Variants in DPY19L1 observed in about 807,000 individuals in gnomAD.
The protein encoded by DPY19L1 is dpy-19 like C-mannosyltransferase 1, also known as protein C-mannosyl-transferase DPY19L1.
In DPY19L1, 35 loss-of-function variants were observed where a neutral mutation model predicts 96.9. The ratio of observed to expected loss-of-function variants is 0.36; its 90% CI spans 0.28 to 0.48. The LOEUF is 0.48. DPY19L1 is among the 20% of genes least tolerant of loss of function. The probability of loss-of-function intolerance (pLI) is 0.99; values close to 1 mark genes in which losing one functional copy is unlikely to be tolerated. For missense variants in DPY19L1, 521 were observed against 777.9 expected (o/e 0.67, Z 3.93); for synonymous variants, 205 against 252.6 (o/e 0.81, Z 1.79).
intron 7 of DPY19L1, among the ~76,000 whole-genome samples, chr7:34,989,283 A>G (rs1785113577): frequency 6.6e-6 from 1 of 152,228 alleles, no homozygotes; most frequent in African/African-American, 2.4e-5. Flanking sequence ...CATTATAACT[A>G]AATTGTTAGC....
chr7:34,954,370 G>C (rs962136064), intron 13 of DPY19L1, among the ~76,000 whole-genome samples: 8 of 152,056 alleles, frequency 5.3e-5, no homozygotes, highest in Non-Finnish European at 1.2e-4. Flanking sequence ...AGGCTCTAAA[G>C]ATGGTGTCTT....
intron 1 of DPY19L1, among the ~76,000 whole-genome samples, chr7:35,019,384 G>A (rs546530841): frequency 6.6e-6 from 1 of 152,300 alleles, no homozygotes; most frequent in South Asian, 2.1e-4. Flanking sequence ...GGCTGCAGCA[G>A]TGTGCTATGA....
chr7:34,944,790 C>T (rs1784107434), intron 16 of DPY19L1, among the ~76,000 whole-genome samples: 1 of 152,154 alleles, frequency 6.6e-6, no homozygotes, highest in African/African-American at 2.4e-5. Flanking sequence ...CTAGAGGGTA[C>T]ACTTGCACTG....
chr7:34,968,140 A>G (rs1417936852), intron 9 of DPY19L1, among the ~76,000 whole-genome samples: 1 of 152,054 alleles, frequency 6.6e-6, no homozygotes, highest in Admixed American at 6.5e-5. Context: ...AACTGATTGA[A>G]AATGTCATCG....
At chr7:35,036,992 G>A (rs76171601) in intron 1 of DPY19L1, 105 bp downstream of exon 1, 7,741 of 146,430 alleles carry the variant, frequency 0.053, 287 homozygotes, top group Middle Eastern at 0.16. Context: ...GGCTCGGCGC[G>A]GCGGAAGCGG....
At chr7:34,969,307 T>C (rs1240180398) in intron 9 of DPY19L1, 126 bp downstream of exon 9, 2 of 469,572 alleles carry the variant, frequency 4.3e-6, no homozygotes, top group East Asian at 7.0e-5. Flanking sequence ...AAAACATTTT[T>C]CCTAGAAAAT....
chr7:34,953,495 C>G (rs1784311474), intron 13 of DPY19L1, among the ~76,000 whole-genome samples: 1 of 152,156 alleles, frequency 6.6e-6, no homozygotes. Context: ...CCTTTCAGCT[C>G]TCATCCTCAG....
At chr7:35,005,530 G>A (rs1785531461) in intron 6 of DPY19L1, among the ~76,000 whole-genome samples, 1 of 151,004 alleles carries the variant, frequency 6.6e-6, no homozygotes, top group Non-Finnish European at 1.5e-5. Context: ...CAGGCACAGT[G>A]GCTCACACCT....
intron 10 of DPY19L1, among the ~76,000 whole-genome samples, chr7:34,964,641 A>G (rs1200930239): frequency 6.6e-6 from 1 of 152,198 alleles, no homozygotes; most frequent in Non-Finnish European, 1.5e-5. Context: ...ATTCATCTAA[A>G]CAGATGTAGT....
chr7:35,027,625 T>C (rs901117848), intron 1 of DPY19L1, among the ~76,000 whole-genome samples: 1 of 138,612 alleles, frequency 7.2e-6, no homozygotes, highest in Non-Finnish European at 1.5e-5. Flanking sequence ...AGGTCAGGGG[T>C]TCGAAACCAT....
At chr7:34,994,471 A>C (rs894379417) in intron 6 of DPY19L1, among the ~76,000 whole-genome samples, 12 of 152,194 alleles carry the variant, frequency 7.9e-5, no homozygotes, top group African/African-American at 2.9e-4. Context: ...TAATTTTCTA[A>C]ATGGCAGAGT....
At chr7:34,976,588 T>A (rs892591897) in intron 7 of DPY19L1, among the ~76,000 whole-genome samples, 3 of 152,194 alleles carry the variant, frequency 2.0e-5, no homozygotes, top group Admixed American at 6.5e-5. Context: ...TAAAACGCTA[T>A]CAAACAGCAT....
chr7:35,034,818 T>C lies in DPY19L1; in HGVS notation c.298+2279A>G, dbSNP rs1413901404. Among the ~76,000 whole-genome samples, 5 of 152,186 alleles carry C rather than the reference T, an allele frequency of 3.3e-5. No individual in the cohort carries two copies. In the East Asian group the frequency reaches 9.6e-4, roughly 29 times the overall value. On this transcript the variant is annotated intron_variant, in intron 1 of 21. Transcript: ENST00000638088. ...TGTTCTTTTTTTGATCAGTTACAAATGAACTCTTGATGAACAAAAGAATAT... is the reference window on the plus strand; with the variant it reads ...TGTTCTTTTTTTGATCAGTTACAAACGAACTCTTGATGAACAAAAGAATAT...
At chr7:35,014,649 C>A (rs1294194953) in intron 3 of DPY19L1, among the ~76,000 whole-genome samples, 1 of 152,120 alleles carries the variant, frequency 6.6e-6, no homozygotes, top group Non-Finnish European at 1.5e-5. Context: ...GATGTATCGA[C>A]TCTGATACCA....
chr7:34,949,936 C>T (rs1175324107), intron 13 of DPY19L1, 38 bp from the exon 14 acceptor site: 2 of 1,068,406 alleles, frequency 1.9e-6, no homozygotes, highest in South Asian at 1.4e-5. Flanking sequence ...TTAAGCCATA[C>T]ACTGCAATAA....
At chr7:35,002,927 C>G (rs1584249107) in intron 6 of DPY19L1, among the ~76,000 whole-genome samples, 1 of 152,098 alleles carries the variant, frequency 6.6e-6, no homozygotes, top group Non-Finnish European at 1.5e-5. Context: ...CGCCACCACG[C>G]TTGGCTAATT....
intron 10 of DPY19L1, among the ~76,000 whole-genome samples, chr7:34,959,927 A>ATATATATATATATATATATATATATATT (rs1784466146): frequency 3.6e-5 from 1 of 27,406 alleles, no homozygotes; most frequent in African/African-American, 3.1e-4. Context: ...ATATATATTT[A>ATATATATATATATATATATATATATATT]TATATATATA....
At chr7:35,000,047 T>C (rs1785385920) in intron 6 of DPY19L1, among the ~76,000 whole-genome samples, 1 of 152,126 alleles carries the variant, frequency 6.6e-6, no homozygotes, top group African/African-American at 2.4e-5. Flanking sequence ...CCAAAAGATA[T>C]GCATGTATAT....
chr7:34,937,943 A>G (rs568535840), intron 21 of DPY19L1, 51 bp downstream of exon 21: 2 of 1,588,554 alleles, frequency 1.3e-6, no homozygotes, highest in South Asian at 2.2e-5. Context: ...ATGTGCTTGA[A>G]TTAACCTTCA....
Sources: allele counts gnomAD v4.1 joint callset (sites outside exome capture counted in the v4.1 genomes callset), GRCh38; gene constraint gnomAD v4.1.1; transcripts MANE v1.5; gene names NCBI Gene and HGNC (gene_info 2026-07-23, HGNC 2026-07-21).